The following KCNJ16 variants were observed in gnomAD, a reference collection of about 807,000 sequenced individuals.
The protein encoded by KCNJ16 is potassium inwardly rectifying channel subfamily J member 16.
A neutral mutation model predicts 18.5 loss-of-function variants in KCNJ16; 15 were observed. The observed-to-expected ratio is 0.81, with a 90% CI of 0.54 to 1.25. KCNJ16 has a LOEUF of 1.25. Ranked by LOEUF, KCNJ16 falls within the 50% of genes most tolerant of loss-of-function variation. The probability of loss-of-function intolerance (pLI) is 0.00; values close to 1 mark genes in which losing one functional copy is unlikely to be tolerated. For missense variants in KCNJ16, 523 were observed against 525.7 expected, an observed-to-expected ratio of 0.99 and a Z score of 0.05; for synonymous variants, 174 against 186.5, an observed-to-expected ratio of 0.93 and a Z score of 0.55.
chr17:70,092,570 G>GAT (rs2072164869), intron 1 of KCNJ16, among the ~76,000 whole-genome samples: 2 of 117,802 alleles, frequency 1.7e-5, no homozygotes, highest in Admixed American at 9.0e-5. Flanking sequence ...GATAGATATA[G>GAT]ATAGATAGAT....
chr17:70,121,441 G>A (rs979670500), intron 2 of KCNJ16, among the ~76,000 whole-genome samples: 1 of 152,154 alleles, frequency 6.6e-6, no homozygotes, highest in Admixed American at 6.5e-5. Context: ...CCCAGTGTTT[G>A]TTAGTGAAAA....
chr17:70,093,855 AATTTGCC>A (rs2072234369), intron 1 of KCNJ16, among the ~76,000 whole-genome samples: 1 of 152,036 alleles, frequency 6.6e-6, no homozygotes, highest in African/African-American at 2.4e-5. Flanking sequence ...ATTATTCTGT[AATTTGCC>A]ATAACTATTG....
At chr17:70,104,256 G>T (rs2072807581) in intron 2 of KCNJ16, among the ~76,000 whole-genome samples, 1 of 152,126 alleles carries the variant, frequency 6.6e-6, no homozygotes. Flanking sequence ...ATGAGCCACT[G>T]CACCTGGCAA....
At position 70,135,496 on chromosome 17, in the gene KCNJ16, A is replaced by G. The variant is rs2074191033; in HGVS notation, c.*2152A>G. On this transcript the variant is annotated 3_prime_UTR_variant, in exon 4 of 4. Transcript: ENST00000392671. The stretch of plus-strand genomic sequence containing the variant: ...AATGCTTGTACTCAGAAGAGAGTGT[A>G]AAATCAGCATTTCTATGTAACATAT... 1 of 167,058 alleles carries G rather than the reference A, an allele frequency of 6.0e-6. No homozygotes were observed. Among genetic ancestry groups the G allele is most frequent in the Non-Finnish European group, 1.5e-5 (1 of 68,108 alleles). The allele number at this position is 167,058 out of a possible 1,614,324, so 10.3% of individuals were successfully genotyped here.
chr17:70,125,792 C>T (rs1047230578), intron 2 of KCNJ16, among the ~76,000 whole-genome samples: 12 of 151,968 alleles, frequency 7.9e-5, no homozygotes, highest in African/African-American at 2.4e-4. Flanking sequence ...ATTAGCTGGG[C>T]GTGCTGGCAG....
intron 1 of KCNJ16, among the ~76,000 whole-genome samples, chr17:70,090,538 T>C (rs2072037246): frequency 6.6e-6 from 1 of 152,178 alleles, no homozygotes. Context: ...GTTCATACGA[T>C]AGACATTGAA....
Position 70,132,015 on chromosome 17 carries a change from C to T in KCNJ16, c.-73C>T, listed in dbSNP as rs779686130. ...TTTAGGTTCTAACTGAAAACCCAAA[C>T]CAAGAAATAGCAACAAGTCTAGAAT... On this transcript the variant is annotated 5_prime_UTR_variant, in exon 4 of 4. Coordinates refer to ENST00000392671, the MANE Select transcript of KCNJ16 (RefSeq NM_170741.4). The T allele has an allele frequency of 3.8e-6, 6 of 1,595,434 alleles. No individual in the cohort carries two copies. The highest frequency in any genetic ancestry group is 5.1e-6 in the Non-Finnish European group (6 of 1,170,866).
At chr17:70,107,964 T>G (rs920164289) in intron 2 of KCNJ16, among the ~76,000 whole-genome samples, 1 of 152,182 alleles carries the variant, frequency 6.6e-6, no homozygotes, top group African/African-American at 2.4e-5. Flanking sequence ...GAGTTAACAC[T>G]CAGTAGATTG....
At chr17:70,116,456 T>C (rs1424203683) in intron 2 of KCNJ16, among the ~76,000 whole-genome samples, 1 of 152,234 alleles carries the variant, frequency 6.6e-6, no homozygotes, top group Non-Finnish European at 1.5e-5. Flanking sequence ...ACGGAATTGC[T>C]GCATTGGAGG....
intron 2 of KCNJ16, among the ~76,000 whole-genome samples, chr17:70,123,301 A>T (rs950869653): frequency 6.6e-6 from 1 of 152,248 alleles, no homozygotes; most frequent in Non-Finnish European, 1.5e-5. Flanking sequence ...AGCATCAAAT[A>T]TAAGAAGATA....
intron 1 of KCNJ16, among the ~76,000 whole-genome samples, chr17:70,084,891 C>T (rs1161216979): frequency 6.6e-6 from 1 of 152,132 alleles, no homozygotes; most frequent in African/African-American, 2.4e-5. Flanking sequence ...GTGAAAACTA[C>T]TTGTTTATCG....
chr17:70,119,011 G>A (rs72863836), intron 2 of KCNJ16, among the ~76,000 whole-genome samples: 1,725 of 152,308 alleles, frequency 0.011, 19 homozygotes, highest in Middle Eastern at 0.054. Flanking sequence ...ACAAACAGGC[G>A]TTGGATAAAC....
chr17:70,096,643 A>G (rs1415357622), intron 1 of KCNJ16: 3 of 285,510 alleles, frequency 1.1e-5, no homozygotes, highest in African/African-American at 6.5e-5. Flanking sequence ...TAAATTAACA[A>G]TCTTTTGTAC....
intron 1 of KCNJ16, among the ~76,000 whole-genome samples, chr17:70,097,497 A>AG (rs1476664382): frequency 6.6e-6 from 1 of 152,210 alleles, no homozygotes; most frequent in Non-Finnish European, 1.5e-5. Context: ...GAGCTCCATC[A>AG]GGAGCACCAG....
At chr17:70,124,146 A>C (rs1412647149) in intron 2 of KCNJ16, among the ~76,000 whole-genome samples, 1 of 152,220 alleles carries the variant, frequency 6.6e-6, no homozygotes, top group East Asian at 1.9e-4. Flanking sequence ...TTTTAACCTA[A>C]GGCTCGGAAT....
intron 1 of KCNJ16, among the ~76,000 whole-genome samples, chr17:70,089,012 C>G (rs969900964): frequency 1.3e-5 from 2 of 152,144 alleles, no homozygotes. Context: ...TTTTTAGTCT[C>G]GTTTCCACCA....
intron 2 of KCNJ16, among the ~76,000 whole-genome samples, chr17:70,116,804 C>T (rs1024701196): frequency 4.6e-5 from 7 of 152,108 alleles, no homozygotes; most frequent in African/African-American, 1.7e-4. Context: ...TTAAAAACAA[C>T]AGATGTTAGC....
Position 70,132,890 on chromosome 17 carries a change from G to T in KCNJ16, c.803G>T (p.Arg268Leu), listed in dbSNP as rs200564862. The T allele has an allele frequency of 6.2e-7, 1 of 1,614,086 alleles. No homozygotes were observed. The highest frequency in any genetic ancestry group is 1.1e-5 in the South Asian group (1 of 91,076). Reference protein sequence around the residue: ...DHESPLYALDRKAVAKDNFEI... With the variant: ...DHESPLYALDLKAVAKDNFEI... ...GAGAGCCCTCTGTATGCCCTTGACC[G>T]CAAAGCAGTAGCCAAAGATAACTTT... The change falls in exon 4 of 4, where the codon CGC becomes CTC. Residue 268 changes from arginine to leucine, a missense_variant. Coordinates refer to ENST00000392671, the MANE Select transcript of KCNJ16 (RefSeq NM_170741.4).
intron 1 of KCNJ16, among the ~76,000 whole-genome samples, chr17:70,092,612 T>TAGAC (rs534583488): frequency 6.7e-6 from 1 of 149,624 alleles, no homozygotes; most frequent in African/African-American, 2.5e-5. Flanking sequence ...GATAGATAGA[T>TAGAC]GAGATTCATA....
Sources: allele counts gnomAD v4.1 joint callset (sites outside exome capture counted in the v4.1 genomes callset), GRCh38; gene constraint gnomAD v4.1.1; transcripts MANE v1.5; gene names NCBI Gene and HGNC (gene_info 2026-07-23, HGNC 2026-07-21).